The following RBFOX2 variants were observed in gnomAD, a reference collection of about 807,000 sequenced individuals.
RBFOX2 encodes RNA binding protein fox-1 homolog 2.
A neutral mutation model predicts 49.1 loss-of-function variants in RBFOX2; 10 were observed. The observed-to-expected ratio is 0.20, with a 90% CI of 0.13 to 0.35. The LOEUF (loss-of-function observed/expected upper bound fraction) is 0.35. Ranked by LOEUF, RBFOX2 falls within the 10% of genes least tolerant of loss-of-function variation. The probability of loss-of-function intolerance (pLI) is 1.00; values close to 1 mark genes in which losing one functional copy is unlikely to be tolerated. For synonymous variants in RBFOX2, 183 were observed against 187.4 expected, an observed-to-expected ratio of 0.98 and a Z score of 0.19; for missense variants, 323 against 486.9, an observed-to-expected ratio of 0.66 and a Z score of 3.17.
At chr22:35,861,568 T>C (rs763554195) in intron 1 of RBFOX2, among the ~76,000 whole-genome samples, 1 of 151,158 alleles carries the variant, frequency 6.6e-6, no homozygotes, top group African/African-American at 2.5e-5. Flanking sequence ...AGTATCATTA[T>C]TCACTAGGAA....
chr22:35,837,382 C>A (rs1481783720), intron 1 of RBFOX2, among the ~76,000 whole-genome samples: 1 of 152,016 alleles, frequency 6.6e-6, no homozygotes, highest in Non-Finnish European at 1.5e-5. Context: ...TGTAATAAAC[C>A]GTTTAACTTT....
intron 4 of RBFOX2, among the ~76,000 whole-genome samples, chr22:35,773,593 T>C (rs1943212913): frequency 6.6e-6 from 1 of 152,106 alleles, no homozygotes; most frequent in Non-Finnish European, 1.5e-5. Flanking sequence ...GCTAGAAATC[T>C]AAATAATTAT....
At chr22:35,941,887 A>G (rs527597282), upstream of RBFOX2, among the ~76,000 whole-genome samples, 2 of 152,308 alleles carry the variant, frequency 1.3e-5, no homozygotes, top group South Asian at 2.1e-4. Context: ...CCTCTCAGAT[A>G]AGGCTATTTG....
chr22:35,869,464 CTGACCAAAAAAAAAAA>C (rs1185636270), intron 1 of RBFOX2, among the ~76,000 whole-genome samples: 1 of 93,878 alleles, frequency 1.1e-5, no homozygotes, highest in African/African-American at 3.7e-5. Context: ...CAGCCAACGG[CTGACCAAAAAAAAAAA>C]AAAAAAAAAA....
At chr22:35,986,953 ATC>A (rs1010135073) in intron 1 of RBFOX2, among the ~76,000 whole-genome samples, 32 of 150,846 alleles carry the variant, frequency 2.1e-4, no homozygotes, top group African/African-American at 7.9e-4. Context: ...TTGTATAAAG[ATC>A]TCTTTTTTTT....
In RBFOX2 at chr22:35,749,307, T is replaced by C. The variant is rs926140543; in HGVS notation, c.888-2746A>G. Among the ~76,000 whole-genome samples the C allele has an allele frequency of 6.6e-6, 1 of 152,210 alleles. No homozygotes were observed. The highest frequency in any genetic ancestry group is 1.5e-5 in the Non-Finnish European group (1 of 68,032). On this transcript the variant is annotated intron_variant, in intron 9 of 11. Coordinates refer to ENST00000405409, the Ensembl canonical transcript of RBFOX2. The surrounding 1 kb of genome is among the most constrained non-coding windows in gnomAD (Gnocchi z 4.1). ...ACTAAGAAAAAACACATGAAGAGTT[T>C]TTTTTAAAGCAGATGACTTTAACAT...
upstream of RBFOX2, among the ~76,000 whole-genome samples, chr22:35,941,139 G>A (rs527779392): frequency 7.9e-5 from 12 of 152,026 alleles, no homozygotes; most frequent in Admixed American, 2.0e-4. Flanking sequence ...AGGCAATGTT[G>A]GCTATTTTTC....
At chr22:35,981,663 A>G (rs2057461755) in intron 1 of RBFOX2, among the ~76,000 whole-genome samples, 1 of 152,044 alleles carries the variant, frequency 6.6e-6, no homozygotes, top group Non-Finnish European at 1.5e-5. Flanking sequence ...AAAAATTAGA[A>G]TTAAAAATTT....
chr22:35,823,332 C>T (rs987039420), intron 1 of RBFOX2, among the ~76,000 whole-genome samples: 3 of 152,242 alleles, frequency 2.0e-5, no homozygotes, highest in African/African-American at 7.2e-5. Flanking sequence ...ATAACACTAG[C>T]AAGCAGCCTC....
chr22:35,759,838 G>A lies in RBFOX2; in HGVS notation c.887+50C>T, dbSNP rs776921416. On this transcript the variant is annotated intron_variant, in intron 9 of 11. Transcript: ENST00000405409. This position sits in a 1 kb window ranked among gnomAD's most constrained non-coding sequence, Gnocchi z 4.6. ...GAAAGGGCCATGGTATTCTTTTTTG[G>A]TCCAACTGCTTATTTTAGAAACATA... is the stretch of plus-strand genomic sequence containing the variant. The A allele has an allele frequency of 6.2e-7, 1 of 1,601,258 alleles. No homozygotes were observed. The highest frequency in any genetic ancestry group is 8.5e-7 in the Non-Finnish European group (1 of 1,171,474).
At chr22:36,018,380 A>G (rs2059121984) in intron 1 of RBFOX2, among the ~76,000 whole-genome samples, 1 of 152,206 alleles carries the variant, frequency 6.6e-6, no homozygotes, top group African/African-American at 2.4e-5. Flanking sequence ...GGTAGAAGAG[A>G]TGAAGCAGGA....
intron 1 of RBFOX2, among the ~76,000 whole-genome samples, chr22:35,930,438 AAAAT>A (rs1048550357): frequency 6.6e-6 from 1 of 152,090 alleles, no homozygotes; most frequent in Non-Finnish European, 1.5e-5. Flanking sequence ...GTTTGGATAT[AAAAT>A]AAATAGTCAT....
intron 1 of RBFOX2, among the ~76,000 whole-genome samples, chr22:35,892,363 A>T (rs2047350153): frequency 6.6e-6 from 1 of 152,228 alleles, no homozygotes; most frequent in South Asian, 2.1e-4. Context: ...TCACTAAAAA[A>T]GAGGATGACT....
intron 1 of RBFOX2, among the ~76,000 whole-genome samples, chr22:35,876,979 T>TA (rs2045200149): frequency 6.6e-6 from 1 of 152,226 alleles, no homozygotes; most frequent in Non-Finnish European, 1.5e-5. Flanking sequence ...AAGACAAATT[T>TA]AATCACTGAC....
chr22:35,848,413 T>C (rs1302232599), intron 1 of RBFOX2, among the ~76,000 whole-genome samples: 6 of 152,180 alleles, frequency 3.9e-5, no homozygotes, highest in Non-Finnish European at 7.4e-5. Context: ...ATATAAAACA[T>C]ATAATATAGA....
intron 1 of RBFOX2, among the ~76,000 whole-genome samples, chr22:35,881,804 T>A (rs1254644514): frequency 6.6e-6 from 1 of 150,800 alleles, no homozygotes; most frequent in East Asian, 2.0e-4. Context: ...AATAAAAATA[T>A]AAAAATTAGC....
At position 35,759,160 on chromosome 22, in the gene RBFOX2, C is replaced by T. The variant is rs547337494; in HGVS notation, c.887+728G>A. ...AACCTGCCATCTTCACTCCTTTTCC[C>T]CATTCAGTAGCAAAGGATTTATTTG... On this transcript the variant is annotated intron_variant, in intron 9 of 11. Coordinates refer to ENST00000405409, the Ensembl canonical transcript of RBFOX2. This position sits in a 1 kb window ranked among gnomAD's most constrained non-coding sequence, Gnocchi z 4.6. Among the ~76,000 whole-genome samples the T allele has an allele frequency of 7.2e-5, 11 of 152,044 alleles. No individual in the cohort carries two copies. The highest frequency in any genetic ancestry group is 1.2e-4 in the Non-Finnish European group (8 of 68,012).
intron 1 of RBFOX2, among the ~76,000 whole-genome samples, chr22:35,813,816 C>T (rs952646942): frequency 3.3e-5 from 5 of 152,188 alleles, no homozygotes; most frequent in African/African-American, 7.2e-5. Context: ...CAGCAAACTG[C>T]TTTGTTGGGC....
exon 12 of RBFOX2, chr22:35,739,633 C>T (rs1041988347): frequency 9.2e-5 from 14 of 152,572 alleles, no homozygotes; most frequent in African/African-American, 3.1e-4. Flanking sequence ...TTGCTTAAAG[C>T]ACTTATCAGT....
Sources: gnomAD v4.1 joint callset for allele counts (sites outside exome capture counted in the v4.1 genomes callset) on GRCh38, gnomAD v4.1.1 for gene constraint, Gnocchi (gnomAD v3.1) non-coding constraint, MANE v1.5 for transcripts, NCBI Gene and HGNC (gene_info 2026-07-23, HGNC 2026-07-21) for gene names.